Variants in ASIC2 observed in about 807,000 individuals in gnomAD.
The protein encoded by ASIC2 is acid sensing ion channel subunit 2, also known as acid-sensing ion channel 2.
A neutral mutation model predicts 57.3 loss-of-function variants in ASIC2; 25 were observed. The ratio of observed to expected loss-of-function variants is 0.44; its 90% CI spans 0.32 to 0.61. The LOEUF is 0.61. Among genes scored for constraint, ASIC2 ranks in the 20% least tolerant of loss-of-function variants. The probability of loss-of-function intolerance (pLI) is 0.06; values close to 1 mark genes in which losing one functional copy is unlikely to be tolerated. For missense variants in ASIC2, 641 were observed against 738.1 expected (o/e 0.87, Z 1.52); for synonymous variants, 319 against 307.5 (o/e 1.04, Z -0.39).
intron 1 of ASIC2, among the ~76,000 whole-genome samples, chr17:33,683,567 G>A (rs545760023): frequency 6.6e-6 from 1 of 152,134 alleles, no homozygotes; most frequent in South Asian, 2.1e-4. Flanking sequence ...GTAGAGATAG[G>A]GTCTTGTTCT....
At chr17:33,062,125 C>T (rs995645294) in intron 3 of ASIC2, among the ~76,000 whole-genome samples, 61 of 152,182 alleles carry the variant, frequency 4.0e-4, no homozygotes, top group South Asian at 6.2e-4. Flanking sequence ...CCTGGATTCA[C>T]TGATTTTTTG....
chr17:33,581,193 C>G (rs936317373), intron 1 of ASIC2: 3 of 152,176 alleles, frequency 2.0e-5, no homozygotes, highest in Non-Finnish European at 4.4e-5. Flanking sequence ...CAGAGAGATT[C>G]AAAGCACAAG....
intron 1 of ASIC2, among the ~76,000 whole-genome samples, chr17:33,638,673 G>A (rs1171177255): frequency 6.6e-6 from 1 of 152,186 alleles, no homozygotes; most frequent in Non-Finnish European, 1.5e-5. Context: ...GTTGAACAGA[G>A]AGATGGGTAT....
At chr17:33,858,553 C>T (rs544632512) in intron 1 of ASIC2, among the ~76,000 whole-genome samples, 1 of 152,360 alleles carries the variant, frequency 6.6e-6, no homozygotes, top group South Asian at 2.1e-4. Context: ...TCAAAGACAG[C>T]CTGAGTCCCT....
intron 1 of ASIC2, among the ~76,000 whole-genome samples, chr17:33,879,464 G>C (rs1164327834): frequency 6.6e-6 from 1 of 152,162 alleles, no homozygotes; most frequent in Admixed American, 6.5e-5. Context: ...CCTAGTCACT[G>C]ATAAAACAGA....
chr17:33,856,491 AATAGT>A (rs1913938830), intron 1 of ASIC2, among the ~76,000 whole-genome samples: 3 of 151,366 alleles, frequency 2.0e-5, no homozygotes, highest in Admixed American at 6.6e-5. Context: ...TGGCAGTAGT[AATAGT>A]GTTGTCAGTA....
Position 33,116,215 on chromosome 17 carries a change from G to A in ASIC2, c.709-4148C>T, listed in dbSNP as rs138321090. On this transcript the variant is annotated intron_variant, in intron 1 of 9. Coordinates refer to ENST00000225823, the MANE Select transcript of ASIC2 (RefSeq NM_183377.2). ...CTCCGCCTGGGCTGCTGAGCCTCCC[G>A]CTCCTGCCTGGCTTTTTTCAGAGGA... Among the ~76,000 whole-genome samples the A allele has an allele frequency of 5.7e-3, 872 of 152,282 alleles. 27 individuals carry two copies. The highest frequency in any genetic ancestry group is 0.04 in the Admixed American group (610 of 15,302).
intron 1 of ASIC2, among the ~76,000 whole-genome samples, chr17:33,904,433 G>C (rs986584504): frequency 2.0e-5 from 3 of 152,146 alleles, no homozygotes; most frequent in Admixed American, 6.5e-5. Context: ...AGAATTACCT[G>C]GGGAACTTTA....
rs542699449 is a variant in ASIC2 at position 33,522,338 on chromosome 17, C to T, written c.556-410271G>A. On this transcript the variant is annotated intron_variant, in intron 1 of 9. Transcript: ENST00000359872. ...CCTACATTTGCAGAGCATTCGGACT[C>T]CTCTGAGAAACCGAGTCTTCCCTGC... 3.3e-5 allele frequency among the ~76,000 whole-genome samples: 5 copies of T among 152,354 alleles called. No individual in the cohort carries two copies. In the South Asian group the frequency reaches 1.0e-3, roughly 32 times the overall value.
At chr17:33,554,119 G>A (rs1177135498) in intron 1 of ASIC2, among the ~76,000 whole-genome samples, 1 of 152,194 alleles carries the variant, frequency 6.6e-6, no homozygotes, top group African/African-American at 2.4e-5. Context: ...AATGCCTGGG[G>A]AAACACTTTG....
intron 1 of ASIC2, among the ~76,000 whole-genome samples, chr17:33,560,876 C>T (rs1268810708): frequency 6.6e-6 from 1 of 152,190 alleles, no homozygotes; most frequent in Non-Finnish European, 1.5e-5. Flanking sequence ...TGAAGTCACA[C>T]AACTAATACA....
At chr17:33,221,475 C>T (rs1268972920) in intron 1 of ASIC2, among the ~76,000 whole-genome samples, 1 of 152,110 alleles carries the variant, frequency 6.6e-6, no homozygotes, top group Non-Finnish European at 1.5e-5. Flanking sequence ...TTCAATTGAC[C>T]TCAGAATAAT....
At chr17:33,627,617 C>T (rs886424224) in intron 1 of ASIC2, among the ~76,000 whole-genome samples, 15 of 152,210 alleles carry the variant, frequency 9.9e-5, no homozygotes, top group African/African-American at 3.6e-4. Context: ...AAGGTGAGGC[C>T]CTGCTCAAAG....
At chr17:33,923,155 T>G (rs768431415) in intron 1 of ASIC2, among the ~76,000 whole-genome samples, 3 of 152,126 alleles carry the variant, frequency 2.0e-5, no homozygotes, top group Non-Finnish European at 4.4e-5. Context: ...GCCAAGAACG[T>G]CTACCAGCAG....
Position 33,323,575 on chromosome 17 carries a change from G to A in ASIC2, c.556-211508C>T, listed in dbSNP as rs140636344. Among the ~76,000 whole-genome samples the A allele has an allele frequency of 3.9e-5, 6 of 152,270 alleles. No individual in the cohort carries two copies. In the East Asian group the frequency reaches 1.2e-3, roughly 29 times the overall value. On this transcript the variant is annotated intron_variant, in intron 1 of 9. Coordinates refer to the ASIC2 transcript ENST00000359872. ...CTAAAAATACAAAAATTAGGCAGCT[G>A]TGGTGGCAGACGCCTGTAATCCCAG...
intron 1 of ASIC2, among the ~76,000 whole-genome samples, chr17:34,061,023 A>T (rs1908952559): frequency 6.6e-6 from 1 of 152,308 alleles, no homozygotes; most frequent in Non-Finnish European, 1.5e-5. Context: ...TCACAAAAAG[A>T]TCTTCGCCTA....
At chr17:33,777,186 G>A (rs1186148061) in intron 1 of ASIC2, among the ~76,000 whole-genome samples, 1 of 152,194 alleles carries the variant, frequency 6.6e-6, no homozygotes, top group African/African-American at 2.4e-5. Context: ...TGTAATTCCT[G>A]AATTCCCTGA....
intron 1 of ASIC2, among the ~76,000 whole-genome samples, chr17:33,579,344 G>A (rs147320743): frequency 1.3e-5 from 2 of 150,632 alleles, no homozygotes; most frequent in African/African-American, 4.9e-5. Flanking sequence ...GGGCACACTG[G>A]AACACGATGT....
Position 33,112,169 on chromosome 17 carries a change from C to G in ASIC2, c.709-102G>C, listed in dbSNP as rs1266336440. 3 of 1,354,830 alleles carry G rather than the reference C, an allele frequency of 2.2e-6. No individual in the cohort carries two copies. The African/African-American group carries it at 4.4e-5, about 20-fold the overall frequency. 83.9% of individuals were successfully genotyped at this position (1,354,830 alleles called of 1,614,324 possible). On this transcript the variant is annotated intron_variant, in intron 1 of 9. Coordinates refer to ENST00000225823, the MANE Select transcript of ASIC2 (RefSeq NM_183377.2). ...AGAAATCTGACAGCAGGTCAGAGTCCCCACAGCCCATCACCATCACCGCTC... is the reference window on the plus strand; with the variant it reads ...AGAAATCTGACAGCAGGTCAGAGTCGCCACAGCCCATCACCATCACCGCTC...
Sources: gnomAD v4.1 joint callset for allele counts (sites outside exome capture counted in the v4.1 genomes callset) on GRCh38, gnomAD v4.1.1 for gene constraint, MANE v1.5 for transcripts, NCBI Gene and HGNC (gene_info 2026-07-23, HGNC 2026-07-21) for gene names.